Variants in KCNH7 observed in about 807,000 individuals in gnomAD.
The protein encoded by KCNH7 is potassium voltage-gated channel subfamily H member 7.
In KCNH7, 49 loss-of-function variants were observed where a neutral mutation model predicts 120.8. That is an observed-to-expected ratio of 0.41 (90% CI 0.32 to 0.51). The LOEUF (loss-of-function observed/expected upper bound fraction) is 0.51. Among genes scored for constraint, KCNH7 ranks in the 20% least tolerant of loss-of-function variants. The pLI is 0.38. For synonymous variants in KCNH7, 547 were observed against 516.1 expected, an observed-to-expected ratio of 1.06 and a Z score of -0.81; for missense variants, 1,097 against 1,446.6, an observed-to-expected ratio of 0.76 and a Z score of 3.92.
intron 9 of KCNH7, among the ~76,000 whole-genome samples, chr2:162,415,313 T>G (rs1687507148): frequency 6.6e-6 from 1 of 152,116 alleles, no homozygotes; most frequent in Admixed American, 6.6e-5. Context: ...TTTCTTTAGA[T>G]TGACATATCT....
At chr2:162,377,029 A>G (rs1293275537) in intron 14 of KCNH7, among the ~76,000 whole-genome samples, 5 of 152,132 alleles carry the variant, frequency 3.3e-5, no homozygotes, top group Non-Finnish European at 5.9e-5. Flanking sequence ...AATGAGACAA[A>G]TGGTGTAGGA....
chr2:162,397,568 C>A (rs1336997617), intron 10 of KCNH7, among the ~76,000 whole-genome samples: 1 of 151,826 alleles, frequency 6.6e-6, no homozygotes, highest in Admixed American at 6.6e-5. Flanking sequence ...CCTTCTTGCT[C>A]TTCTGTAAAA....
chr2:162,527,118 G>C (rs919609807), intron 3 of KCNH7, among the ~76,000 whole-genome samples: 4 of 151,878 alleles, frequency 2.6e-5, no homozygotes, highest in African/African-American at 9.7e-5. Flanking sequence ...TCAAATCCTG[G>C]GGGGTGGGAG....
chr2:162,477,232 C>T (rs1179840051), intron 6 of KCNH7, among the ~76,000 whole-genome samples: 2 of 152,218 alleles, frequency 1.3e-5, no homozygotes, highest in African/African-American at 4.8e-5. Flanking sequence ...GCCATGGTAT[C>T]TTTTCACTTA....
chr2:162,629,150 G>T (rs1415943084), intron 2 of KCNH7, among the ~76,000 whole-genome samples: 1 of 152,112 alleles, frequency 6.6e-6, no homozygotes, highest in African/African-American at 2.4e-5. Flanking sequence ...TACCTCACTA[G>T]TGGGCTGCTG....
chr2:162,756,524 T>C (rs1200400718), intron 2 of KCNH7, among the ~76,000 whole-genome samples: 4 of 152,210 alleles, frequency 2.6e-5, no homozygotes, highest in Non-Finnish European at 5.9e-5. Context: ...TGCAGTGCAG[T>C]GGCACATTCA....
At chr2:162,796,664 C>T (rs1040234925) in intron 2 of KCNH7, 2 of 152,028 alleles carry the variant, frequency 1.3e-5, no homozygotes, top group Admixed American at 6.6e-5. Flanking sequence ...TCCTTAGTAA[C>T]AGCAGCTATG....
In KCNH7 at chr2:162,824,308, T is replaced by C. The variant is rs143519840; in HGVS notation, c.307+12229A>G. Among the ~76,000 whole-genome samples the C allele has an allele frequency of 1.1e-3, 173 of 152,266 alleles. 3 individuals carry two copies. Among genetic ancestry groups the C allele is most frequent in the African/African-American group, 4.0e-3 (167 of 41,572 alleles). On this transcript the variant is annotated intron_variant, in intron 2 of 15. Transcript: ENST00000332142. The stretch of plus-strand genomic sequence containing the variant: ...ACACCTTCTGCTTACTCTGGAAACA[T>C]GACCTGCAAAGAAACAAGTTCTGCA...
chr2:162,506,811 T>C (rs1574041704), intron 5 of KCNH7, among the ~76,000 whole-genome samples: 2 of 151,878 alleles, frequency 1.3e-5, no homozygotes, highest in Non-Finnish European at 2.9e-5. Flanking sequence ...GCTACACTTA[T>C]ATAAGCATGT....
At chr2:162,703,614 T>C (rs1686591136) in intron 2 of KCNH7, among the ~76,000 whole-genome samples, 1 of 152,170 alleles carries the variant, frequency 6.6e-6, no homozygotes, top group African/African-American at 2.4e-5. Context: ...ATGTTAAACA[T>C]TGTATAAGAT....
At chr2:162,621,266 T>TTTTTTTTTG (rs1683347495) in intron 2 of KCNH7, among the ~76,000 whole-genome samples, 1 of 136,526 alleles carries the variant, frequency 7.3e-6, no homozygotes. Flanking sequence ...TTTTTTTTTT[T>TTTTTTTTTG]TTTTTTTTTT....
At chr2:162,406,339 T>A (rs897566785) in intron 9 of KCNH7, among the ~76,000 whole-genome samples, 3 of 151,988 alleles carry the variant, frequency 2.0e-5, no homozygotes, top group African/African-American at 7.2e-5. Context: ...AGAAGGTTTA[T>A]CTATGTTGTA....
At chr2:162,732,586 T>C (rs1687770165) in intron 2 of KCNH7, among the ~76,000 whole-genome samples, 1 of 152,152 alleles carries the variant, frequency 6.6e-6, no homozygotes, top group Non-Finnish European at 1.5e-5. Context: ...GAGAATCCTG[T>C]GGTCTGCATT....
At chr2:162,801,691 C>T in intron 2 of KCNH7, among the ~76,000 whole-genome samples, 1 of 151,770 alleles carries the variant, frequency 6.6e-6, no homozygotes, top group Admixed American at 6.6e-5. Context: ...TTTCTTGTAT[C>T]ACAATAAAAC....
At chr2:162,642,975 A>G (rs1684219578) in intron 2 of KCNH7, among the ~76,000 whole-genome samples, 2 of 152,220 alleles carry the variant, frequency 1.3e-5, no homozygotes. Flanking sequence ...AAGAATGCAT[A>G]TGGTTTGAGA....
intron 2 of KCNH7, among the ~76,000 whole-genome samples, chr2:162,828,889 A>T (rs770367022): frequency 1.3e-5 from 2 of 152,186 alleles, no homozygotes; most frequent in Admixed American, 6.5e-5. Flanking sequence ...AGTAAAAAGT[A>T]GTGTGAGACA....
chr2:162,592,311 C>T (rs959987234), intron 2 of KCNH7, among the ~76,000 whole-genome samples: 2 of 152,114 alleles, frequency 1.3e-5, no homozygotes, highest in Admixed American at 6.6e-5. Context: ...TTTAATATAT[C>T]GCCAAGGAAA....
rs557174525 is a variant in KCNH7 at position 162,546,086 on chromosome 2, C to T, written c.308-9006G>A. Among the ~76,000 whole-genome samples, 31 of 152,286 alleles carry T rather than the reference C, an allele frequency of 2.0e-4. No homozygotes were observed. The South Asian group carries it at 5.4e-3, about 26-fold the overall frequency. On this transcript the variant is annotated intron_variant, in intron 2 of 15. Coordinates refer to ENST00000332142, the MANE Select transcript of KCNH7 (RefSeq NM_033272.4). Reference sequence around the variant, plus strand: ...GGAAGAACTCTCACACATTTTCTGACGCATAAATCAGAGGCAGTCTCTTAA... The same window carrying T: ...GGAAGAACTCTCACACATTTTCTGATGCATAAATCAGAGGCAGTCTCTTAA...
At position 162,551,795 on chromosome 2, in the gene KCNH7, C is replaced by T. The variant is rs114311660; in HGVS notation, c.308-14715G>A. Among the ~76,000 whole-genome samples the T allele has an allele frequency of 6.6e-3, 1,000 of 152,064 alleles. 14 individuals carry two copies. The highest frequency in any genetic ancestry group is 0.023 in the African/African-American group (934 of 41,500). On this transcript the variant is annotated intron_variant, in intron 2 of 15. Transcript: ENST00000332142. ...TATGTAACTTATTATTTTAATGATC[C>T]ATGTGTGGGTCCATTTGATTCCCAT...
Sources: gnomAD v4.1 joint callset for allele counts (sites outside exome capture counted in the v4.1 genomes callset) on GRCh38, gnomAD v4.1.1 for gene constraint, MANE v1.5 for transcripts, NCBI Gene and HGNC (gene_info 2026-07-23, HGNC 2026-07-21) for gene names.